ACVR1: variants seen among roughly 807,000 people sequenced by gnomAD.
ACVR1 encodes the protein activin A receptor type 1.
ACVR1 carries 38 observed loss-of-function variants against 57.1 expected under a neutral mutation model. That is an observed-to-expected ratio of 0.67 (90% CI 0.51 to 0.87). The LOEUF (loss-of-function observed/expected upper bound fraction) is 0.87. Ranked by LOEUF, ACVR1 falls within the 40% of genes least tolerant of loss-of-function variation. The pLI, the probability that ACVR1 is intolerant of heterozygous loss-of-function variation, is 0.00. For missense variants in ACVR1, 463 were observed against 638.2 expected, an observed-to-expected ratio of 0.73 and a Z score of 2.96; for synonymous variants, 212 against 228.1, an observed-to-expected ratio of 0.93 and a Z score of 0.63.
chr2:157,864,152 G>A (rs557910950), intron 1 of ACVR1, among the ~76,000 whole-genome samples: 3 of 151,244 alleles, frequency 2.0e-5, no homozygotes, highest in East Asian at 2.0e-4. Context: ...GTGAGCCACC[G>A]TGCCCTGCCT....
At chr2:157,822,808 G>T (rs941886449) in intron 1 of ACVR1, among the ~76,000 whole-genome samples, 8 of 152,164 alleles carry the variant, frequency 5.3e-5, no homozygotes, top group African/African-American at 1.9e-4. Context: ...GAGTCCGTAT[G>T]GCTTGCAAAA....
chr2:157,843,491 T>A (rs1689037387), intron 1 of ACVR1, among the ~76,000 whole-genome samples: 2 of 152,174 alleles, frequency 1.3e-5, no homozygotes, highest in South Asian at 4.2e-4. Flanking sequence ...ATAGCAATTA[T>A]CATCTCCATT....
At chr2:157,767,652 GTCACTTTCACATATATT>G (rs1685915829) in intron 7 of ACVR1, among the ~76,000 whole-genome samples, 1 of 152,078 alleles carries the variant, frequency 6.6e-6, no homozygotes, top group African/African-American at 2.4e-5. Context: ...TAAAATTTAT[GTCACTTTCACATATATT>G]TTCTCATGAG....
intron 1 of ACVR1, among the ~76,000 whole-genome samples, chr2:157,850,944 A>G (rs1459937417): frequency 6.6e-6 from 1 of 152,180 alleles, no homozygotes; most frequent in Non-Finnish European, 1.5e-5. Context: ...GCAACAGAGT[A>G]AGACTGTGTC....
At chr2:157,738,592 G>C in intron 9 of ACVR1, 22 bp from the exon 10 acceptor site, 1 of 1,613,944 alleles carries the variant, frequency 6.2e-7, no homozygotes, top group Non-Finnish European at 8.5e-7. Flanking sequence ...GACAAGAATT[G>C]TGTTCGGTTA....
At chr2:157,770,315 G>T in intron 7 of ACVR1, 53 bp downstream of exon 7, 1 of 1,599,776 alleles carries the variant, frequency 6.3e-7, no homozygotes, top group South Asian at 1.1e-5. Flanking sequence ...AGCAAAGGCA[G>T]ACAATTGTTT....
Position 157,790,443 on chromosome 2 carries a change from G to A in ACVR1, c.67+8984C>T, listed in dbSNP as rs879758106. 8.5e-5 allele frequency among the ~76,000 whole-genome samples: 13 copies of A among 152,330 alleles called. 1 individual carries two copies. The highest frequency in any genetic ancestry group is 6.8e-3 in the Middle Eastern group (2 of 294). On this transcript the variant is annotated intron_variant, in intron 3 of 10. Transcript: ENST00000434821. The stretch of plus-strand genomic sequence containing the variant: ...CTCATTTCACTGCCTGGGTTATTCT[G>A]AGCTGGGCTTATTGACACTCCATGG...
chr2:157,774,006 G>A, intron 6 of ACVR1, 82 bp downstream of exon 6: 2 of 1,250,544 alleles, frequency 1.6e-6, no homozygotes, highest in Non-Finnish European at 2.3e-6. Flanking sequence ...ACAAAAAGCA[G>A]ATTTTCCAAG....
At position 157,795,062 on chromosome 2, in the gene ACVR1, T is replaced by A. The variant is rs540868485; in HGVS notation, c.67+4365A>T. On this transcript the variant is annotated intron_variant, in intron 3 of 10. Transcript: ENST00000434821. ...AACAAAATCTCTATGACTCTCTTATTTATGTCCCAAGAATGTGATCTAGCT... is the reference window on the plus strand; with the variant it reads ...AACAAAATCTCTATGACTCTCTTATATATGTCCCAAGAATGTGATCTAGCT... Among the ~76,000 whole-genome samples the A allele has an allele frequency of 5.9e-5, 9 of 152,230 alleles. No homozygotes were observed. The South Asian group carries it at 1.0e-3, about 18-fold the overall frequency.
chr2:157,827,548 AAT>A (rs1376033811), intron 1 of ACVR1, among the ~76,000 whole-genome samples: 1 of 152,228 alleles, frequency 6.6e-6, no homozygotes, highest in Non-Finnish European at 1.5e-5. Context: ...TGAAAAGAAA[AAT>A]AGTCTCTTAC....
intron 1 of ACVR1, among the ~76,000 whole-genome samples, chr2:157,831,066 G>A (rs1349194942): frequency 1.3e-5 from 2 of 152,040 alleles, no homozygotes; most frequent in African/African-American, 4.8e-5. Context: ...CAAAGCACTA[G>A]GATTACAGGA....
chr2:157,842,498 A>G lies in ACVR1; in HGVS notation c.-182-23939T>C, dbSNP rs112361548. On this transcript the variant is annotated intron_variant, in intron 1 of 10. Transcript: ENST00000434821. ...TCAAGTTCCTGCCCTCAGAGTTTAC[A>G]TTCAGGCAGAAAACTCCACATGGAA... Among the ~76,000 whole-genome samples, 227 of 152,294 alleles carry G rather than the reference A, an allele frequency of 1.5e-3. 1 individual carries two copies. The South Asian group carries it at 0.02, about 13-fold the overall frequency.
chr2:157,785,365 A>G (rs1244697988), intron 3 of ACVR1, among the ~76,000 whole-genome samples: 1 of 152,264 alleles, frequency 6.6e-6, no homozygotes, highest in African/African-American at 2.4e-5. Flanking sequence ...TATAGATTAT[A>G]GGAGTCCTTC....
At chr2:157,771,805 T>C (rs1466981248) in intron 6 of ACVR1, among the ~76,000 whole-genome samples, 1 of 152,184 alleles carries the variant, frequency 6.6e-6, no homozygotes, top group Non-Finnish European at 1.5e-5. Flanking sequence ...GGCTAACAAG[T>C]GCTCATTGTG....
At position 157,737,537 on chromosome 2, in the gene ACVR1, G is replaced by GT; in HGVS notation, c.1523dup (p.Asp508GlufsTer7). ...TCTTGACACTATGAAAATGTCAACA[G>GT]TCAGTTTTCAATTTGTCGAGGGAAT... On this transcript the variant is annotated frameshift_variant, in exon 11 of 11. Coordinates refer to ENST00000434821, the MANE Select transcript of ACVR1 (RefSeq NM_001111067.4). LOFTEE classifies it high-confidence loss of function. 6.2e-7 allele frequency: 1 copy of GT among 1,614,042 alleles called. No individual in the cohort carries two copies. The highest frequency in any genetic ancestry group is 8.5e-7 in the Non-Finnish European group (1 of 1,179,960).
intron 9 of ACVR1, among the ~76,000 whole-genome samples, chr2:157,745,351 T>C (rs1477614792): frequency 1.3e-5 from 2 of 152,218 alleles, no homozygotes; most frequent in African/African-American, 4.8e-5. Flanking sequence ...TTGGTAGCTA[T>C]GAAGAAAGGC....
At chr2:157,774,004 C>G (rs544902891) in intron 6 of ACVR1, 84 bp downstream of exon 6, 2 of 1,189,990 alleles carry the variant, frequency 1.7e-6, no homozygotes, top group Non-Finnish European at 2.5e-6. Context: ...TAACAAAAAG[C>G]AGATTTTCCA....
At chr2:157,851,522 G>C (rs959640952) in intron 1 of ACVR1, among the ~76,000 whole-genome samples, 2 of 152,084 alleles carry the variant, frequency 1.3e-5, no homozygotes, top group African/African-American at 4.8e-5. Flanking sequence ...TTAGAAAAAA[G>C]ATATTAGGGG....
At chr2:157,778,979 A>G (rs992479456) in intron 4 of ACVR1, among the ~76,000 whole-genome samples, 3 of 152,158 alleles carry the variant, frequency 2.0e-5, no homozygotes, top group African/African-American at 7.2e-5. Flanking sequence ...CAGCCATCCA[A>G]TCACAAGCTT....
Sources: gnomAD v4.1 joint callset for allele counts (sites outside exome capture counted in the v4.1 genomes callset) on GRCh38, gnomAD v4.1.1 for gene constraint, MANE v1.5 for transcripts, NCBI Gene and HGNC (gene_info 2026-07-23, HGNC 2026-07-21) for gene names.